WNT5A: variants seen among roughly 807,000 people sequenced by gnomAD.
The protein encoded by WNT5A is Wnt family member 5A, also known as protein Wnt-5a.
Under a neutral mutation model 42.1 loss-of-function variants are expected in WNT5A, and 9 were observed. The ratio of observed to expected loss-of-function variants is 0.21; its 90% CI spans 0.13 to 0.37. The LOEUF is 0.37. Ranked by LOEUF, WNT5A falls within the 10% of genes least tolerant of loss-of-function variation. WNT5A has a pLI of 1.00. For synonymous variants in WNT5A, 210 were observed against 210.0 expected (o/e 1.00, Z 0.00); for missense variants, 426 against 534.0 (o/e 0.80, Z 1.99).
intron 1 of WNT5A, among the ~76,000 whole-genome samples, chr3:55,481,677 G>A (rs536672737): frequency 7.2e-5 from 11 of 152,152 alleles, no homozygotes; most frequent in Middle Eastern, 3.2e-3. Context: ...GAAGGAGATG[G>A]GGGCCCTAGG....
At chr3:55,475,554 C>G (rs2051341480) in intron 3 of WNT5A, among the ~76,000 whole-genome samples, 1 of 152,220 alleles carries the variant, frequency 6.6e-6, no homozygotes, top group Non-Finnish European at 1.5e-5. Flanking sequence ...TGGCCTGATA[C>G]TTCTCATTCA....
At position 55,479,465 on chromosome 3, in the gene WNT5A, C is replaced by T. The variant is rs373494821; in HGVS notation, c.240G>A (p.Lys80=). 2 of 1,614,016 alleles carry T rather than the reference C, an allele frequency of 1.2e-6. No homozygotes were observed. The highest frequency in any genetic ancestry group is 1.7e-6 in the Non-Finnish European group (2 of 1,179,900). Residue 80 remains lysine (K), a synonymous_variant, in exon 3 of 5, where the codon AAG becomes AAA. Coordinates refer to ENST00000264634, the MANE Select transcript of WNT5A (RefSeq NM_003392.7). ...GGTCCTGATACAAGTGGCACAGTTT[C>T]TTCTGTCCTTGAGAAAGTCCTGCCA... ...SQLAGLSQGQ[K]KLCHLYQDHM...
chr3:55,491,563 T>G (rs535092450), upstream of WNT5A, among the ~76,000 whole-genome samples: 83 of 152,256 alleles, frequency 5.5e-4, no homozygotes, highest in Non-Finnish European at 1.0e-3. Flanking sequence ...TGCATCCCTG[T>G]GCCGCCTTTC....
At chr3:55,488,100 T>A (rs1328883826), upstream of WNT5A, 2 of 152,252 alleles carry the variant, frequency 1.3e-5, no homozygotes, top group African/African-American at 4.8e-5. Flanking sequence ...CCGGCGAAGC[T>A]GCCCACCTCC....
chr3:55,487,110 G>C lies in WNT5A; in HGVS notation c.-125C>G. On this transcript the variant is annotated 5_prime_UTR_variant, in exon 1 of 5. Coordinates refer to ENST00000264634, the MANE Select transcript of WNT5A (RefSeq NM_003392.7). ...GAGCAGGGCTGCGGAGTCCTCCGGC[G>C]CGCGTCCGGCGGGCGCAGTGAACCG... The C allele has an allele frequency of 2.5e-6, 2 of 802,300 alleles. No individual in the cohort carries two copies. Among genetic ancestry groups the C allele is most frequent in the Non-Finnish European group, 3.9e-6 (2 of 510,842 alleles). The allele number at this position is 802,300 out of a possible 1,614,324, so 49.7% of individuals were successfully genotyped here.
At chr3:55,486,241 G>C (rs1254680434) in intron 1 of WNT5A, among the ~76,000 whole-genome samples, 1 of 152,148 alleles carries the variant, frequency 6.6e-6, no homozygotes, top group Non-Finnish European at 1.5e-5. Flanking sequence ...CCCGGAGTAC[G>C]GGATTACAGC....
chr3:55,489,156 G>T (rs502912), upstream of WNT5A: 34,216 of 152,102 alleles, frequency 0.22, 4,208 homozygotes, highest in African/African-American at 0.3. Context: ...GGAGGGGCAG[G>T]GTTGGTGGAT....
chr3:55,491,970 A>G (rs895209930), upstream of WNT5A, among the ~76,000 whole-genome samples: 1 of 152,190 alleles, frequency 6.6e-6, no homozygotes, highest in Non-Finnish European at 1.5e-5. Flanking sequence ...TTGTGCTGCC[A>G]CTGGCCTGTG....
At chr3:55,476,013 G>A (rs2051350992) in intron 3 of WNT5A, among the ~76,000 whole-genome samples, 1 of 152,164 alleles carries the variant, frequency 6.6e-6, no homozygotes. Flanking sequence ...GGCCTCTTCT[G>A]GTGCTGAAAT....
At chr3:55,474,093 G>A (rs2051302173) in intron 4 of WNT5A, among the ~76,000 whole-genome samples, 2 of 152,008 alleles carry the variant, frequency 1.3e-5, no homozygotes, top group South Asian at 4.2e-4. Flanking sequence ...GAGAGAGACC[G>A]GGAAGGAGGA....
At chr3:55,476,809 A>G (rs1228963289) in intron 3 of WNT5A, among the ~76,000 whole-genome samples, 3 of 152,208 alleles carry the variant, frequency 2.0e-5, no homozygotes, top group Admixed American at 2.0e-4. Flanking sequence ...TGTGAAACCC[A>G]CATCTACTCC....
chr3:55,470,697 G>T, intron 4 of WNT5A, 147 bp from the exon 5 acceptor site: 1 of 717,966 alleles, frequency 1.4e-6, no homozygotes, highest in Non-Finnish European at 2.1e-6. Context: ...ATTACCAGAA[G>T]TCTTATGTTG....
rs1297686321 is a variant in WNT5A at position 55,487,079 on chromosome 3, G to T, written c.-94C>A. The T allele has an allele frequency of 1.7e-6, 2 of 1,144,214 alleles. No homozygotes were observed. Among genetic ancestry groups the T allele is most frequent in the Non-Finnish European group, 2.6e-6 (2 of 783,872 alleles). The allele number at this position is 1,144,214 out of a possible 1,614,324, so 70.9% of individuals were successfully genotyped here. A position where few individuals can be genotyped will look rare whatever the true frequency, so the allele number is the denominator to read the frequency against. ...GCGACCGGGTTAAGCCTGGGGGGAC[G>T]GTCAGGAGCAGGGCTGCGGAGTCCT... On this transcript the variant is annotated 5_prime_UTR_variant, in exon 1 of 5. Transcript: ENST00000264634.
upstream of WNT5A, among the ~76,000 whole-genome samples, chr3:55,492,280 C>G (rs2051668914): frequency 6.6e-6 from 1 of 151,932 alleles, no homozygotes; most frequent in African/African-American, 2.4e-5. Context: ...TTTAGGGAAC[C>G]TGTGGGTCAG....
chr3:55,481,094 A>C (rs1181076934), intron 1 of WNT5A, 176 bp from the exon 2 acceptor site: 6 of 729,824 alleles, frequency 8.2e-6, no homozygotes, highest in Non-Finnish European at 1.1e-5. Flanking sequence ...AAATTAATCC[A>C]CCCACGCAAC....
At chr3:55,482,946 C>T (rs2051497548) in intron 1 of WNT5A, among the ~76,000 whole-genome samples, 1 of 152,250 alleles carries the variant, frequency 6.6e-6, no homozygotes, top group South Asian at 2.1e-4. Flanking sequence ...CATAGACACA[C>T]ACGCTGCGAC....
Position 55,484,368 on chromosome 3 carries a change from C to T in WNT5A, c.6+2612G>A, listed in dbSNP as rs1033398444. 4.6e-5 allele frequency among the ~76,000 whole-genome samples: 7 copies of T among 152,254 alleles called. No homozygotes were observed. The South Asian group carries it at 1.2e-3, about 27-fold the overall frequency. ...GGCCGGCCCAGGCGGGTAGGAGGTC[C>T]GCTTTAGGGGAGCAGACAAAGGAGC... On this transcript the variant is annotated intron_variant, in intron 1 of 4. Transcript: ENST00000264634.
At chr3:55,500,423 C>T in the WNT5A span, among the ~76,000 whole-genome samples, 3 of 152,220 alleles carry the variant, frequency 2.0e-5, no homozygotes, top group Non-Finnish European at 2.9e-5. Context: ...AGTTTTGGTT[C>T]ACTAAGAACT....
In WNT5A at chr3:55,485,146, G is replaced by A. The variant is rs187314455; in HGVS notation, c.6+1834C>T. Among the ~76,000 whole-genome samples, 631 of 152,078 alleles carry A rather than the reference G, an allele frequency of 4.1e-3. 3 individuals are homozygous for A. The highest frequency in any genetic ancestry group is 0.014 in the African/African-American group (574 of 41,474). On this transcript the variant is annotated intron_variant, in intron 1 of 4. Coordinates refer to ENST00000264634, the MANE Select transcript of WNT5A (RefSeq NM_003392.7). ...TCCGAGGGCCCCTGCTGGGAGAGTG[G>A]GGTCTGGTGGTCGGGAGGGATGAAG...
Sources: allele counts gnomAD v4.1 joint callset (sites outside exome capture counted in the v4.1 genomes callset), GRCh38; gene constraint gnomAD v4.1.1; transcripts MANE v1.5; gene names NCBI Gene and HGNC (gene_info 2026-07-23, HGNC 2026-07-21).